The following PALLD variants were observed in gnomAD, a reference collection of about 807,000 sequenced individuals.
PALLD encodes palladin.
In PALLD, 61 loss-of-function variants were observed where a neutral mutation model predicts 123.5. The ratio of observed to expected loss-of-function variants is 0.49; its 90% confidence interval spans 0.40 to 0.61. PALLD has a LOEUF of 0.61. PALLD is among the 20% of genes least tolerant of loss of function. PALLD has a pLI of 0.00. For missense variants in PALLD, 1,273 were observed against 1,377.0 expected (o/e 0.92, Z 1.20); for synonymous variants, 465 against 496.4 (o/e 0.94, Z 0.84).
chr4:168,539,258 GT>G (rs1392090602), intron 2 of PALLD, among the ~76,000 whole-genome samples: 1 of 152,142 alleles, frequency 6.6e-6, no homozygotes, highest in Non-Finnish European at 1.5e-5. Context: ...TCAGATCTAA[GT>G]TTTCAGACCC....
chr4:168,692,788 G>A (rs1035317594), intron 8 of PALLD, among the ~76,000 whole-genome samples: 15 of 152,198 alleles, frequency 9.9e-5, no homozygotes, highest in African/African-American at 2.9e-4. Flanking sequence ...TTGACATTGC[G>A]TTTTGGATTC....
intron 2 of PALLD, among the ~76,000 whole-genome samples, chr4:168,562,039 A>G (rs753066104): frequency 4.6e-5 from 7 of 152,158 alleles, no homozygotes; most frequent in Non-Finnish European, 1.0e-4. Context: ...ATTATTATCT[A>G]CAGGTGATGA....
intron 2 of PALLD, among the ~76,000 whole-genome samples, chr4:168,523,249 GGGTAA>G (rs1763734162): frequency 7.0e-6 from 1 of 142,040 alleles, no homozygotes; most frequent in African/African-American, 2.5e-5. Flanking sequence ...GGGGAGGGGA[GGGTAA>G]GGAAGGAGGA....
intron 10 of PALLD, among the ~76,000 whole-genome samples, chr4:168,834,286 G>A (rs957429679): frequency 1.3e-5 from 2 of 152,060 alleles, no homozygotes; most frequent in African/African-American, 4.8e-5. Flanking sequence ...TAGCTCACCT[G>A]CTTTAAATAA....
chr4:168,800,740 A>C (rs1739207020), intron 10 of PALLD, among the ~76,000 whole-genome samples: 1 of 152,204 alleles, frequency 6.6e-6, no homozygotes, highest in Non-Finnish European at 1.5e-5. Flanking sequence ...TCTATGACCT[A>C]GCAAACTTCA....
At chr4:168,630,337 A>G (rs1775695227) in intron 2 of PALLD, among the ~76,000 whole-genome samples, 1 of 152,234 alleles carries the variant, frequency 6.6e-6, no homozygotes, top group Admixed American at 6.5e-5. Context: ...ATGACATACA[A>G]GAAGGGACTG....
At chr4:168,694,960 T>G (rs1783000863) in intron 8 of PALLD, among the ~76,000 whole-genome samples, 1 of 152,230 alleles carries the variant, frequency 6.6e-6, no homozygotes, top group Non-Finnish European at 1.5e-5. Flanking sequence ...GAAGACTCAT[T>G]TGACAGCTGT....
chr4:168,633,134 C>T (rs537046988), intron 2 of PALLD, among the ~76,000 whole-genome samples: 222 of 152,340 alleles, frequency 1.5e-3, no homozygotes, highest in African/African-American at 5.0e-3. Context: ...CCTTCTCACA[C>T]TTCCAAGTGG....
In PALLD at chr4:168,694,177, G is replaced by A. The variant is rs79645431; in HGVS notation, c.1501+2885G>A. 3.3e-5 allele frequency among the ~76,000 whole-genome samples: 5 copies of A among 152,268 alleles called. No homozygotes were observed. The East Asian group carries it at 9.6e-4, about 29-fold the overall frequency. On this transcript the variant is annotated intron_variant, in intron 8 of 21. Transcript: ENST00000505667. ...GACCTCTGAGCTATTAAACTATATA[G>A]AAGTATGTAGGAACCGGCTTCCCTA...
intron 2 of PALLD, among the ~76,000 whole-genome samples, chr4:168,662,466 G>T (rs990626187): frequency 2.0e-5 from 3 of 152,250 alleles, no homozygotes; most frequent in African/African-American, 7.2e-5. Flanking sequence ...CTGTGCTGAG[G>T]ATTCTCAGAC....
At chr4:168,646,242 T>C (rs1237543449) in intron 2 of PALLD, among the ~76,000 whole-genome samples, 1 of 152,180 alleles carries the variant, frequency 6.6e-6, no homozygotes, top group East Asian at 1.9e-4. Context: ...CGTGCCCAAA[T>C]ACCCCTCCTT....
intron 10 of PALLD, among the ~76,000 whole-genome samples, chr4:168,802,265 C>G (rs1739452874): frequency 6.6e-6 from 1 of 152,180 alleles, no homozygotes; most frequent in African/African-American, 2.4e-5. Flanking sequence ...TAGGATCGCT[C>G]AAACAAATCT....
At chr4:168,782,057 T>C (rs996938579) in intron 10 of PALLD, among the ~76,000 whole-genome samples, 12 of 152,152 alleles carry the variant, frequency 7.9e-5, no homozygotes, top group Non-Finnish European at 1.6e-4. Flanking sequence ...ACTAGCCATG[T>C]CTCTTCTTGC....
chr4:168,510,594 C>T (rs761662822), intron 1 of PALLD, among the ~76,000 whole-genome samples: 4 of 152,058 alleles, frequency 2.6e-5, no homozygotes, highest in African/African-American at 7.2e-5. Context: ...TTTTTGTATG[C>T]CCTGCAAACT....
At chr4:168,904,705 A>T (rs1223155042) in intron 15 of PALLD, among the ~76,000 whole-genome samples, 1 of 152,192 alleles carries the variant, frequency 6.6e-6, no homozygotes, top group Non-Finnish European at 1.5e-5. Context: ...TAAAATGAGC[A>T]GTTTTCTCTA....
intron 4 of PALLD, among the ~76,000 whole-genome samples, chr4:168,682,746 A>G (rs1195502005): frequency 6.6e-6 from 1 of 152,098 alleles, no homozygotes; most frequent in Non-Finnish European, 1.5e-5. Context: ...TCTTTTACTC[A>G]TGTTTTGATT....
chr4:168,854,547 C>T (rs780271364), intron 10 of PALLD, among the ~76,000 whole-genome samples: 16 of 152,138 alleles, frequency 1.1e-4, no homozygotes, highest in African/African-American at 2.9e-4. Flanking sequence ...AGAGAACAGC[C>T]GTGCAGCTGT....
intron 2 of PALLD, among the ~76,000 whole-genome samples, chr4:168,628,408 T>C (rs1301607637): frequency 1.3e-5 from 2 of 152,242 alleles, no homozygotes; most frequent in Non-Finnish European, 2.9e-5. Context: ...TAGCGGGTCC[T>C]ACACCATCTG....
At chr4:168,798,167 T>TGATA (rs1738794274) in intron 10 of PALLD, among the ~76,000 whole-genome samples, 1 of 152,160 alleles carries the variant, frequency 6.6e-6, no homozygotes, top group South Asian at 2.1e-4. Context: ...AGTAGATGTT[T>TGATA]GATAGTACAC....
Sources: gnomAD v4.1 joint callset for allele counts (sites outside exome capture counted in the v4.1 genomes callset) on GRCh38, gnomAD v4.1.1 for gene constraint, MANE v1.5 for transcripts, NCBI Gene and HGNC (gene_info 2026-07-23, HGNC 2026-07-21) for gene names.